Variants in CACNA2D3 observed in about 807,000 individuals in gnomAD.
The protein encoded by CACNA2D3 is voltage-dependent calcium channel subunit alpha-2/delta-3.
CACNA2D3 carries 60 observed loss-of-function variants against 160.6 expected under a neutral mutation model. That is an observed-to-expected ratio of 0.37 (90% confidence interval 0.30 to 0.46). The LOEUF is 0.46. CACNA2D3 is among the 20% of genes least tolerant of loss of function. The probability of loss-of-function intolerance (pLI) is 1.00; values close to 1 mark genes in which losing one functional copy is unlikely to be tolerated. For missense variants in CACNA2D3, 1,205 were observed against 1,365.0 expected (o/e 0.88, Z 1.85); for synonymous variants, 558 against 492.9 (o/e 1.13, Z -1.75).
chr3:54,939,905 A>C (rs1375890769), intron 27 of CACNA2D3, among the ~76,000 whole-genome samples: 1 of 152,240 alleles, frequency 6.6e-6, no homozygotes, highest in Non-Finnish European at 1.5e-5. Context: ...AAGATAGAGC[A>C]TGCCCTGGAA....
intron 2 of CACNA2D3, among the ~76,000 whole-genome samples, chr3:54,283,892 G>A (rs1215700256): frequency 2.6e-5 from 4 of 151,968 alleles, no homozygotes; most frequent in East Asian, 1.9e-4. Context: ...GTGAAACCCC[G>A]TCTCTACTAA....
chr3:54,813,432 C>A (rs1403488628), intron 13 of CACNA2D3, among the ~76,000 whole-genome samples: 3 of 152,134 alleles, frequency 2.0e-5, no homozygotes, highest in Non-Finnish European at 4.4e-5. Flanking sequence ...ACTGAGACAT[C>A]ACTCATAGAC....
intron 5 of CACNA2D3, among the ~76,000 whole-genome samples, chr3:54,527,763 C>T (rs1329439545): frequency 2.6e-5 from 4 of 152,092 alleles, no homozygotes; most frequent in Non-Finnish European, 5.9e-5. Context: ...GAGAGAGAAC[C>T]CTGTGTTCTT....
chr3:54,684,328 A>T (rs1344534104), intron 11 of CACNA2D3, among the ~76,000 whole-genome samples: 1 of 152,010 alleles, frequency 6.6e-6, no homozygotes, highest in Admixed American at 6.6e-5. Flanking sequence ...TACATCCTCA[A>T]CTTGACTGTA....
chr3:54,374,706 G>GTAAT (rs1440110448), intron 3 of CACNA2D3, among the ~76,000 whole-genome samples: 1 of 152,128 alleles, frequency 6.6e-6, no homozygotes, highest in Non-Finnish European at 1.5e-5. Flanking sequence ...TGGTGAAAAA[G>GTAAT]TAATTACCTT....
intron 4 of CACNA2D3, among the ~76,000 whole-genome samples, chr3:54,449,726 T>C (rs535369006): frequency 2.0e-5 from 3 of 152,188 alleles, no homozygotes; most frequent in African/African-American, 4.8e-5. Flanking sequence ...CCATGTAAGA[T>C]GCCTCACTCC....
At chr3:54,376,804 T>TTG (rs1222415880) in intron 3 of CACNA2D3, among the ~76,000 whole-genome samples, 1 of 152,198 alleles carries the variant, frequency 6.6e-6, no homozygotes, top group Admixed American at 6.5e-5. Context: ...TGAATTCAGG[T>TTG]TGTTGGACCT....
intron 5 of CACNA2D3, among the ~76,000 whole-genome samples, chr3:54,525,196 A>T (rs1297734065): frequency 6.6e-6 from 1 of 152,040 alleles, no homozygotes; most frequent in Non-Finnish European, 1.5e-5. Flanking sequence ...ATTCCTGTGG[A>T]TTTCAGTTAC....
At chr3:54,953,220 C>A (rs561382230) in intron 27 of CACNA2D3, among the ~76,000 whole-genome samples, 1 of 152,274 alleles carries the variant, frequency 6.6e-6, no homozygotes, top group South Asian at 2.1e-4. Context: ...ATAAGGTGTG[C>A]ATGACTCCTG....
At chr3:54,248,175 A>G (rs1156696830) in intron 2 of CACNA2D3, among the ~76,000 whole-genome samples, 1 of 152,148 alleles carries the variant, frequency 6.6e-6, no homozygotes, top group East Asian at 1.9e-4. Flanking sequence ...AAGTGAGATT[A>G]AAAGGGTGGA....
chr3:54,202,103 C>T (rs545581379), intron 2 of CACNA2D3, among the ~76,000 whole-genome samples: 1 of 152,182 alleles, frequency 6.6e-6, no homozygotes, highest in Admixed American at 6.5e-5. Context: ...ATGAAATTCA[C>T]ATGTAATTGG....
At chr3:54,815,379 T>C (rs936266870) in intron 13 of CACNA2D3, among the ~76,000 whole-genome samples, 2 of 152,232 alleles carry the variant, frequency 1.3e-5, no homozygotes, top group Admixed American at 6.5e-5. Context: ...TTCTACTCTT[T>C]GTGGGCTCCA....
intron 2 of CACNA2D3, among the ~76,000 whole-genome samples, chr3:54,141,697 A>C (rs905528496): frequency 6.6e-6 from 1 of 152,202 alleles, no homozygotes; most frequent in Admixed American, 6.5e-5. Context: ...TCAATAACAC[A>C]TTCTTTTTCC....
chr3:54,811,485 T>A (rs796911099), intron 13 of CACNA2D3, among the ~76,000 whole-genome samples: 16 of 110,748 alleles, frequency 1.4e-4, no homozygotes, highest in African/African-American at 5.1e-4. Context: ...TTTTTTTTTT[T>A]TTTTTTTTTT....
intron 14 of CACNA2D3, among the ~76,000 whole-genome samples, chr3:54,822,340 G>C (rs1301546196): frequency 6.6e-6 from 1 of 152,240 alleles, no homozygotes; most frequent in Admixed American, 6.5e-5. Context: ...CCTGTAGCCA[G>C]CGTGAGAGGC....
chr3:54,511,261 C>G (rs1379543357), intron 5 of CACNA2D3, among the ~76,000 whole-genome samples: 1 of 152,172 alleles, frequency 6.6e-6, no homozygotes, highest in Admixed American at 6.5e-5. Flanking sequence ...GGGGTTTTGT[C>G]TCTCCTTCTG....
At chr3:54,885,978 T>C (rs1699915178) in intron 23 of CACNA2D3, among the ~76,000 whole-genome samples, 1 of 152,164 alleles carries the variant, frequency 6.6e-6, no homozygotes, top group Non-Finnish European at 1.5e-5. Context: ...CTCCTGGTTC[T>C]CCCAAGAGTA....
chr3:54,727,514 C>T (rs1237697046), intron 11 of CACNA2D3, among the ~76,000 whole-genome samples: 1 of 152,196 alleles, frequency 6.6e-6, no homozygotes, highest in South Asian at 2.1e-4. Flanking sequence ...ACCCAAATGT[C>T]TATCAATAAT....
chr3:55,035,982 A>G (rs1445773778), intron 35 of CACNA2D3, among the ~76,000 whole-genome samples: 1 of 152,232 alleles, frequency 6.6e-6, no homozygotes, highest in East Asian at 1.9e-4. Context: ...TGAATTCTCC[A>G]TGCCCCTTTG....
Sources: gnomAD v4.1 joint callset for allele counts (sites outside exome capture counted in the v4.1 genomes callset) on GRCh38, gnomAD v4.1.1 for gene constraint, MANE v1.5 for transcripts, NCBI Gene and HGNC (gene_info 2026-07-23, HGNC 2026-07-21) for gene names.